CD6: variants seen among roughly 807,000 people sequenced by gnomAD.
CD6 encodes the protein T-cell differentiation antigen CD6.
A neutral mutation model predicts 75.3 loss-of-function variants in CD6; 53 were observed. The observed-to-expected ratio is 0.70, with a 90% CI of 0.56 to 0.88. The LOEUF (loss-of-function observed/expected upper bound fraction) is 0.88, where lower values mean the gene tolerates loss of function less well. CD6 is among the 40% of genes least tolerant of loss of function. The pLI, the probability that CD6 is intolerant of heterozygous loss-of-function variation, is 0.00. For missense variants in CD6, 770 were observed against 897.1 expected (o/e 0.86, Z 1.81); for synonymous variants, 359 against 381.5 (o/e 0.94, Z 0.69).
rs117483176 is a variant in CD6 at position 60,997,245 on chromosome 11, G to T, written c.50-9329G>T. Among the ~76,000 whole-genome samples, 196 of 152,086 alleles carry T rather than the reference G, an allele frequency of 1.3e-3. 4 individuals are homozygous for T. In the East Asian group the frequency reaches 0.033, roughly 26 times the overall value. On this transcript the variant is annotated intron_variant, in intron 1 of 12. Coordinates refer to ENST00000313421, the MANE Select transcript of CD6 (RefSeq NM_006725.5). ...ATAAAAAAAGTAGCCAGGCATGGTG[G>T]TGCGTGCCTATAGTCCCAGCTACTC...
chr11:61,020,072 G>A lies in CD6; in HGVS notation c.*754G>A. The stretch of plus-strand genomic sequence containing the variant: ...GGGTCTTTATTCTGAGTTTCCTATG[G>A]TTTACAAAGAGGGCCCCAGCCCAGC... On this transcript the variant is annotated 3_prime_UTR_variant, in exon 13 of 13. Transcript: ENST00000313421. The A allele has an allele frequency of 2.5e-6, 1 of 398,448 alleles. No individual in the cohort carries two copies. The highest frequency in any genetic ancestry group is 4.4e-6 in the Non-Finnish European group (1 of 226,146). 24.7% of individuals were successfully genotyped at this position (398,448 alleles called of 1,614,324 possible). A position where few individuals can be genotyped will look rare whatever the true frequency, so the allele number is the denominator to read the frequency against.
At chr11:61,006,676 A>C in intron 2 of CD6, 34 bp downstream of exon 2, 1 of 1,551,948 alleles carries the variant, frequency 6.4e-7, no homozygotes, top group Non-Finnish European at 8.8e-7. Context: ...GTCCATGATC[A>C]GCTTTCTGTA....
intron 1 of CD6, among the ~76,000 whole-genome samples, chr11:60,992,029 A>G (rs1858084880): frequency 6.6e-6 from 1 of 152,000 alleles, no homozygotes; most frequent in Admixed American, 6.6e-5. Context: ...ACAGGTGCAC[A>G]CCACCATGTC....
chr11:60,984,873 A>T (rs1857739264), intron 1 of CD6, among the ~76,000 whole-genome samples: 1 of 152,174 alleles, frequency 6.6e-6, no homozygotes, highest in Non-Finnish European at 1.5e-5. Context: ...TGGAGGAGTG[A>T]AGGAGATGGA....
chr11:61,014,921 C>T (rs2134492422), intron 8 of CD6, among the ~76,000 whole-genome samples: 1 of 152,150 alleles, frequency 6.6e-6, no homozygotes, highest in East Asian at 1.9e-4. Context: ...ATCCTTTGCA[C>T]AGAGAGTCCA....
At position 61,007,970 on chromosome 11, in the gene CD6, T is replaced by A; in HGVS notation, c.469+60T>A. The A allele has an allele frequency of 2.7e-6, 3 of 1,120,334 alleles. No individual in the cohort carries two copies. The highest frequency in any genetic ancestry group is 3.5e-6 in the Non-Finnish European group (3 of 867,738). 69.4% of individuals were successfully genotyped at this position (1,120,334 alleles called of 1,614,324 possible). ...CCCCACTCCCCAGGCCTTCAGCCAC[T>A]GCCCCTGGCTCCAGACCCTGGACGC... On this transcript the variant is annotated intron_variant, in intron 3 of 12. Transcript: ENST00000313421. The surrounding 1 kb of genome is among the most constrained non-coding windows in gnomAD (Gnocchi z 4.2).
chr11:61,004,197 C>A (rs1430669427), intron 1 of CD6, among the ~76,000 whole-genome samples: 3 of 152,122 alleles, frequency 2.0e-5, no homozygotes, highest in Non-Finnish European at 4.4e-5. Context: ...CACACACAGT[C>A]GTAATCACAT....
At chr11:61,016,892 A>C (rs1434108427) in intron 9 of CD6, 5 of 152,832 alleles carry the variant, frequency 3.3e-5, no homozygotes, top group Non-Finnish European at 7.3e-5. Flanking sequence ...ACAGGGATGA[A>C]GTGTCTGTCG....
At chr11:61,010,044 C>A (rs920139074) in intron 5 of CD6, among the ~76,000 whole-genome samples, 170 bp downstream of exon 5, 1 of 152,140 alleles carries the variant, frequency 6.6e-6, no homozygotes, top group Non-Finnish European at 1.5e-5. Context: ...GCTAATTCAT[C>A]GAGGTATTTT....
At chr11:60,989,953 A>G (rs117926981) in intron 1 of CD6, among the ~76,000 whole-genome samples, 1 of 152,190 alleles carries the variant, frequency 6.6e-6, no homozygotes, top group Non-Finnish European at 1.5e-5. Context: ...GGGTGCATTG[A>G]TATGACTCGG....
Position 61,010,015 on chromosome 11 carries a change from C to T in CD6, c.1084+141C>T, listed in dbSNP as rs537224265. ...GGCATAAGAAGGACTGTTGTCCTTA[C>T]GGTGCCCAGGCAGACAGTGCTAATT... On this transcript the variant is annotated intron_variant, in intron 5 of 12. Transcript: ENST00000313421. The T allele has an allele frequency of 1.4e-5, 11 of 772,726 alleles. No homozygotes were observed. In the African/African-American group the frequency reaches 1.6e-4, roughly 11 times the overall value. 47.9% of individuals were successfully genotyped at this position (772,726 alleles called of 1,614,324 possible).
intron 1 of CD6, among the ~76,000 whole-genome samples, chr11:60,991,535 C>CA (rs1858065276): frequency 6.6e-6 from 1 of 152,082 alleles, no homozygotes; most frequent in Non-Finnish European, 1.5e-5. Context: ...TTTCCATCTA[C>CA]GATACATATA....
chr11:60,982,742 TCTC>T (rs1857625970), intron 1 of CD6: 1 of 455,824 alleles, frequency 2.2e-6, no homozygotes, highest in East Asian at 6.9e-5. Flanking sequence ...CTGCCAGCCA[TCTC>T]CTGTTTGTCA....
intron 1 of CD6, among the ~76,000 whole-genome samples, chr11:60,972,398 G>C (rs1301909085): frequency 6.6e-6 from 1 of 152,186 alleles, no homozygotes. Context: ...GAGAGTTCTG[G>C]ACAACCAGGC....
At chr11:60,999,127 C>T (rs564024834) in intron 1 of CD6, among the ~76,000 whole-genome samples, 2 of 152,166 alleles carry the variant, frequency 1.3e-5, no homozygotes, top group East Asian at 3.9e-4. Context: ...CACTGCACTC[C>T]AGCCTGGGTG....
chr11:61,018,439 C>A, intron 12 of CD6, 46 bp downstream of exon 12: 4 of 1,397,006 alleles, frequency 2.9e-6, no homozygotes, highest in Non-Finnish European at 4.0e-6. Context: ...CAGAGAGGGA[C>A]TGGGGAGTAA....
chr11:60,991,702 C>T (rs751398115), intron 1 of CD6, among the ~76,000 whole-genome samples: 91 of 151,436 alleles, frequency 6.0e-4, no homozygotes, highest in Non-Finnish European at 1.2e-3. Context: ...GGTGGAATCT[C>T]ACCCTGTTGC....
chr11:60,974,512 T>C (rs1334071915), intron 1 of CD6, among the ~76,000 whole-genome samples: 2 of 152,230 alleles, frequency 1.3e-5, no homozygotes, highest in Non-Finnish European at 2.9e-5. Context: ...CCCAAAGTGC[T>C]GGGATTACAG....
At chr11:61,002,461 G>A (rs1858628652) in intron 1 of CD6, among the ~76,000 whole-genome samples, 2 of 152,254 alleles carry the variant, frequency 1.3e-5, no homozygotes, top group South Asian at 4.1e-4. Context: ...GGAGGCTGAG[G>A]CAGGAGAATT....
Sources: gnomAD v4.1 joint callset for allele counts (sites outside exome capture counted in the v4.1 genomes callset) on GRCh38, gnomAD v4.1.1 for gene constraint, Gnocchi (gnomAD v3.1) non-coding constraint, MANE v1.5 for transcripts, NCBI Gene and HGNC (gene_info 2026-07-23, HGNC 2026-07-21) for gene names.